Variants in CD8B2 observed in about 807,000 individuals in gnomAD.
The protein encoded by CD8B2 is T-cell surface glycoprotein CD8 beta-2 chain.
A neutral mutation model predicts 23.7 loss-of-function variants in CD8B2; 11 were observed. That is an observed-to-expected ratio of 0.46 (90% CI 0.29 to 0.77). CD8B2 has a LOEUF of 0.77. Among genes scored for constraint, CD8B2 ranks in the 30% least tolerant of loss-of-function variants. CD8B2 has a pLI of 0.09. For missense variants in CD8B2, 197 were observed against 270.5 expected (o/e 0.73, Z 1.91); for synonymous variants, 90 against 109.3 (o/e 0.82, Z 1.10).
chr2:106,495,519 A>G (rs1261780450), intron 2 of CD8B2, among the ~76,000 whole-genome samples: 4 of 152,176 alleles, frequency 2.6e-5, no homozygotes, highest in Non-Finnish European at 4.4e-5. Flanking sequence ...AGCCTGGGCT[A>G]CAGAGCGAGA....
At chr2:106,518,873 C>T (rs534962420) in intron 5 of CD8B2, among the ~76,000 whole-genome samples, 13 of 152,066 alleles carry the variant, frequency 8.5e-5, no homozygotes, top group African/African-American at 2.2e-4. Flanking sequence ...CTCATTGCTC[C>T]GTCCTCCCTT....
chr2:106,536,880 A>T (rs1230909554), intron 5 of CD8B2, among the ~76,000 whole-genome samples: 1 of 152,200 alleles, frequency 6.6e-6, no homozygotes, highest in African/African-American at 2.4e-5. Flanking sequence ...CTGGACTGAC[A>T]GCTCTGTTAC....
chr2:106,498,755 C>T (rs1679346262), intron 3 of CD8B2, among the ~76,000 whole-genome samples: 1 of 152,048 alleles, frequency 6.6e-6, no homozygotes, highest in Non-Finnish European at 1.5e-5. Context: ...AATGGGGATG[C>T]AGGATTAAAT....
intron 5 of CD8B2, among the ~76,000 whole-genome samples, chr2:106,519,605 T>A (rs7595367): frequency 0.97 from 147,995 of 152,234 alleles, 72,088 homozygotes; most frequent in East Asian, 1. Context: ...TGCTCTGAAC[T>A]TACACCCCAA....
At chr2:106,523,516 T>G (rs4453692) in intron 5 of CD8B2, among the ~76,000 whole-genome samples, 149,337 of 152,182 alleles carry the variant, frequency 0.98, 73,345 homozygotes, top group East Asian at 1. Flanking sequence ...CGGTCTGGGG[T>G]AGCTGCAGAT....
chr2:106,531,456 C>T (rs553009830), intron 5 of CD8B2, among the ~76,000 whole-genome samples: 1 of 152,208 alleles, frequency 6.6e-6, no homozygotes, highest in Non-Finnish European at 1.5e-5. Context: ...TCCTCTATCA[C>T]ACGAGTTCTC....
intron 5 of CD8B2, among the ~76,000 whole-genome samples, chr2:106,522,977 T>C (rs1679850674): frequency 6.6e-6 from 1 of 152,146 alleles, no homozygotes; most frequent in Non-Finnish European, 1.5e-5. Flanking sequence ...GTTCTGCTAT[T>C]GCTCTCAAAA....
chr2:106,516,050 G>C (rs12469120), downstream of CD8B2, among the ~76,000 whole-genome samples: 1 of 151,472 alleles, frequency 6.6e-6, no homozygotes, highest in East Asian at 1.9e-4. Flanking sequence ...GGCTGATCTC[G>C]AACTCCTGAC....
intron 3 of CD8B2, among the ~76,000 whole-genome samples, chr2:106,496,861 A>G (rs1679310121): frequency 6.6e-6 from 1 of 152,176 alleles, no homozygotes; most frequent in Admixed American, 6.5e-5. Context: ...GCACAACTCC[A>G]TGAATACACT....
intron 5 of CD8B2, among the ~76,000 whole-genome samples, chr2:106,538,615 G>C (rs533771671): frequency 6.6e-6 from 1 of 152,090 alleles, no homozygotes; most frequent in East Asian, 1.9e-4. Flanking sequence ...AGGAATTCCT[G>C]TCTGTAACAC....
chr2:106,520,066 C>G (rs904364425), intron 5 of CD8B2, among the ~76,000 whole-genome samples: 1 of 152,206 alleles, frequency 6.6e-6, no homozygotes, highest in Non-Finnish European at 1.5e-5. Flanking sequence ...CACCCCAGGA[C>G]AGTGTAGACC....
chr2:106,542,720 AACATACTATATATGAAATATATATGAAAT>A (rs1263293936), intron 5 of CD8B2, among the ~76,000 whole-genome samples: 1 of 147,864 alleles, frequency 6.8e-6, no homozygotes, highest in Admixed American at 6.8e-5. Flanking sequence ...ATATATATGA[AACATACTATATATGAAATATATATGAAAT>A]ACATACTATA....
intron 5 of CD8B2, among the ~76,000 whole-genome samples, chr2:106,521,259 C>T (rs34560517): frequency 1.3e-5 from 2 of 151,874 alleles, no homozygotes; most frequent in East Asian, 1.9e-4. Flanking sequence ...TCCACTTGGC[C>T]GGCACCATGT....
intron 5 of CD8B2, 70 bp from the exon 6 acceptor site, chr2:106,506,858 T>C: frequency 1.9e-6 from 3 of 1,600,848 alleles, no homozygotes; most frequent in Non-Finnish European, 2.6e-6. Flanking sequence ...TTGCCATTTG[T>C]CTCTGTTACA....
At position 106,525,875 on chromosome 2, in the gene CD8B2, T is replaced by C. The variant is rs1401949898; in HGVS notation, c.621-18117T>C. On this transcript the variant is annotated intron_variant, in intron 5 of 5. Transcript: ENST00000416057. ...TAAGATATAAGAGTCCGCAGTGAAG[T>C]GCAATGAAGGACAGAGAATTTGTCA... is the stretch of plus-strand genomic sequence containing the variant. 2.0e-5 allele frequency among the ~76,000 whole-genome samples: 3 copies of C among 152,204 alleles called. No homozygotes were observed. The South Asian group carries it at 6.2e-4, about 31-fold the overall frequency.
chr2:106,490,902 G>T lies in CD8B2; in HGVS notation c.72G>T (p.Gln24His). 4 of 1,590,408 alleles carry T rather than the reference G, an allele frequency of 2.5e-6. No individual in the cohort carries two copies. Among genetic ancestry groups the T allele is most frequent in the Non-Finnish European group, 2.6e-6 (3 of 1,167,972 alleles). ...TCCATGGCAACTCAGTCCTCCAGCAGACCCCTGCATACATAAAGGTGCAAA... is the reference window on the plus strand; with the variant it reads ...TCCATGGCAACTCAGTCCTCCAGCATACCCCTGCATACATAAAGGTGCAAA... ...TVLHGNSVLQ[Q>H]TPAYIKVQTN... The change falls in exon 2 of 6, where the codon CAG (glutamine) becomes CAT (histidine). Residue 24 changes from glutamine to histidine, a missense_variant. Gln to His is a conservative substitution (Grantham distance 24, BLOSUM62 0). Transcript: ENST00000643224.
intron 5 of CD8B2, among the ~76,000 whole-genome samples, chr2:106,504,862 T>A: frequency 6.6e-6 from 1 of 152,184 alleles, no homozygotes; most frequent in Admixed American, 6.5e-5. Context: ...GTGGAGAGAC[T>A]ACTGGAATCG....
At position 106,508,407 on chromosome 2, in the gene CD8B2, G is replaced by A. The variant is rs559937499; in HGVS notation, c.*1467G>A. On this transcript the variant is annotated 3_prime_UTR_variant, in exon 6 of 6. Transcript: ENST00000643224. ...GGGACCTTCTCCTGGCATCTGGGGT[G>A]CGGCCGCAGCAGAATGAGGTGTGGT... 2.0e-5 allele frequency: 3 copies of A among 152,238 alleles called. No individual in the cohort carries two copies. The East Asian group carries it at 5.8e-4, about 29-fold the overall frequency. 9.4% of individuals were successfully genotyped at this position (152,238 alleles called of 1,614,324 possible).
At chr2:106,495,880 C>A (rs534200227) in intron 2 of CD8B2, among the ~76,000 whole-genome samples, 1 of 152,304 alleles carries the variant, frequency 6.6e-6, no homozygotes, top group African/African-American at 2.4e-5. Flanking sequence ...CTCACTTCAG[C>A]CTTGACTTCC....
Sources: allele counts gnomAD v4.1 joint callset (sites outside exome capture counted in the v4.1 genomes callset), GRCh38; gene constraint gnomAD v4.1.1; transcripts MANE v1.5; gene names NCBI Gene and HGNC (gene_info 2026-07-23, HGNC 2026-07-21).